The following EXOC6B variants were observed in gnomAD, a reference collection of about 807,000 sequenced individuals.
The protein encoded by EXOC6B is SEC15 homolog B.
EXOC6B carries 54 observed loss-of-function variants against 113.5 expected under a neutral mutation model. The observed-to-expected ratio is 0.48, with a 90% CI of 0.38 to 0.60. The LOEUF (loss-of-function observed/expected upper bound fraction) is 0.60. EXOC6B is among the 20% of genes least tolerant of loss of function. The pLI is 0.00. For missense variants in EXOC6B, 797 were observed against 977.5 expected, an observed-to-expected ratio of 0.82 and a Z score of 2.46; for synonymous variants, 357 against 339.0, an observed-to-expected ratio of 1.05 and a Z score of -0.58.
chr2:72,289,902 T>G (rs1685679005), intron 20 of EXOC6B, among the ~76,000 whole-genome samples: 3 of 152,176 alleles, frequency 2.0e-5, no homozygotes, highest in African/African-American at 7.2e-5. Flanking sequence ...AAAAGGTAGA[T>G]TGTTCTCTCT....
intron 8 of EXOC6B, among the ~76,000 whole-genome samples, chr2:72,544,057 G>A (rs563826172): frequency 5.3e-5 from 8 of 152,194 alleles, no homozygotes; most frequent in Non-Finnish European, 1.2e-4. Flanking sequence ...CCTCAAAGGT[G>A]TAACTTGCAT....
intron 18 of EXOC6B, among the ~76,000 whole-genome samples, chr2:72,384,235 G>A (rs641123): frequency 0.11 from 16,037 of 151,888 alleles, 859 homozygotes; most frequent in African/African-American, 0.13. Flanking sequence ...ATGAGAGTGG[G>A]AATAGAGTGA....
intron 20 of EXOC6B, among the ~76,000 whole-genome samples, chr2:72,285,889 G>A (rs537996006): frequency 6.6e-6 from 1 of 151,994 alleles, no homozygotes; most frequent in East Asian, 1.9e-4. Flanking sequence ...TTAAAAAGAC[G>A]ATCCACATCA....
At chr2:72,623,259 A>T (rs1573505189) in intron 6 of EXOC6B, among the ~76,000 whole-genome samples, 1 of 152,156 alleles carries the variant, frequency 6.6e-6, no homozygotes, top group African/African-American at 2.4e-5. Flanking sequence ...TTCATCTATC[A>T]TATATGCACC....
intron 21 of EXOC6B, chr2:72,182,745 T>C (rs1678170163): frequency 8.5e-6 from 4 of 471,346 alleles, no homozygotes; most frequent in Non-Finnish European, 1.4e-5. Flanking sequence ...AGCCAGCCAG[T>C]TGGCACCAGG....
At chr2:72,708,896 ATTTTTTTT>A (rs1159794341) in intron 6 of EXOC6B, among the ~76,000 whole-genome samples, 2 of 69,790 alleles carry the variant, frequency 2.9e-5, no homozygotes, top group Non-Finnish European at 5.0e-5. Flanking sequence ...CATCCAGCTA[ATTTTTTTT>A]TTTTTTTTTT....
intron 8 of EXOC6B, among the ~76,000 whole-genome samples, chr2:72,552,151 T>C (rs1206636059): frequency 6.6e-6 from 1 of 152,194 alleles, no homozygotes; most frequent in Non-Finnish European, 1.5e-5. Context: ...GATATAACAT[T>C]AAACAAAATA....
At chr2:72,271,296 A>T (rs571498837) in intron 20 of EXOC6B, among the ~76,000 whole-genome samples, 3 of 152,264 alleles carry the variant, frequency 2.0e-5, no homozygotes, top group Non-Finnish European at 2.9e-5. Context: ...TATTCTGACT[A>T]CTTGAGAGTA....
chr2:72,780,411 A>G (rs1683957528), intron 1 of EXOC6B, among the ~76,000 whole-genome samples: 1 of 152,204 alleles, frequency 6.6e-6, no homozygotes, highest in African/African-American at 2.4e-5. Context: ...AGATTTTTTC[A>G]GCATTTTTTG....
At chr2:72,196,275 T>C (rs1451086943) in intron 20 of EXOC6B, among the ~76,000 whole-genome samples, 6 of 152,182 alleles carry the variant, frequency 3.9e-5, no homozygotes, top group African/African-American at 1.4e-4. Flanking sequence ...TATTACAAAT[T>C]ACAACCCAGG....
chr2:72,402,140 T>A (rs1479650460), intron 18 of EXOC6B, among the ~76,000 whole-genome samples: 3 of 152,086 alleles, frequency 2.0e-5, no homozygotes, highest in Admixed American at 2.0e-4. Context: ...GGACTTTTCT[T>A]TACCAGGAGG....
chr2:72,480,609 C>A lies in EXOC6B; in HGVS notation c.1800+7G>T. ...AGCAGTTCCACAGTACTGTAGGGCC[C>A]TCTCACCTTAAAAGTTGTGGTGCCA... On this transcript the variant is annotated splice_region_variant and intron_variant, in intron 17 of 21. Coordinates refer to ENST00000272427, the MANE Select transcript of EXOC6B (RefSeq NM_015189.3). 1 of 1,575,400 alleles carries A rather than the reference C, an allele frequency of 6.3e-7. No homozygotes were observed. The highest frequency in any genetic ancestry group is 2.3e-5 in the East Asian group (1 of 43,364).
intron 1 of EXOC6B, among the ~76,000 whole-genome samples, chr2:72,795,848 A>G (rs1226977972): frequency 1.3e-5 from 2 of 151,920 alleles, no homozygotes; most frequent in Non-Finnish European, 2.9e-5. Context: ...CGTTTTTGAG[A>G]CCAAGTCTCG....
intron 6 of EXOC6B, among the ~76,000 whole-genome samples, chr2:72,619,459 T>G (rs1671614958): frequency 6.6e-6 from 1 of 151,646 alleles, no homozygotes; most frequent in Non-Finnish European, 1.5e-5. Context: ...GGATAACATA[T>G]GAGTAACTTA....
At chr2:72,433,840 C>T (rs1573108840) in intron 18 of EXOC6B, among the ~76,000 whole-genome samples, 2 of 151,806 alleles carry the variant, frequency 1.3e-5, no homozygotes, top group East Asian at 3.9e-4. Context: ...ACAATCATGA[C>T]ATCTGCAAAC....
At chr2:72,335,560 A>G (rs935030021) in intron 19 of EXOC6B, among the ~76,000 whole-genome samples, 5 of 124,876 alleles carry the variant, frequency 4.0e-5, no homozygotes, top group African/African-American at 8.4e-5. Flanking sequence ...ACACACACAC[A>G]CACACACACA....
chr2:72,575,796 A>C lies in EXOC6B; in HGVS notation c.670-128T>G, dbSNP rs1372975489. 3 of 799,782 alleles carry C rather than the reference A, an allele frequency of 3.8e-6. No individual in the cohort carries two copies. The African/African-American group carries it at 5.4e-5, about 14-fold the overall frequency. 49.5% of individuals were successfully genotyped at this position (799,782 alleles called of 1,614,324 possible). On this transcript the variant is annotated intron_variant, in intron 6 of 21. Transcript: ENST00000272427. Reference sequence around the variant, plus strand: ...CAAACTTCTAATTTTGAACAAATTGATATCTTAACGAAAATACTACAACAA... The same window carrying C: ...CAAACTTCTAATTTTGAACAAATTGCTATCTTAACGAAAATACTACAACAA...
chr2:72,667,375 T>C (rs1573586431), intron 6 of EXOC6B, among the ~76,000 whole-genome samples: 1 of 152,142 alleles, frequency 6.6e-6, no homozygotes. Flanking sequence ...TAAAAACCTA[T>C]TCTAAAATTC....
At chr2:72,291,306 C>T (rs1685772349) in intron 20 of EXOC6B, among the ~76,000 whole-genome samples, 1 of 152,178 alleles carries the variant, frequency 6.6e-6, no homozygotes, top group Non-Finnish European at 1.5e-5. Context: ...ACTGATTTTT[C>T]ACATGCACAA....
Sources: allele counts gnomAD v4.1 joint callset (sites outside exome capture counted in the v4.1 genomes callset), GRCh38; gene constraint gnomAD v4.1.1; transcripts MANE v1.5; gene names NCBI Gene and HGNC (gene_info 2026-07-23, HGNC 2026-07-21).